Variants in RPS6KC1 observed in about 807,000 individuals in gnomAD.
RPS6KC1 encodes ribosomal protein S6 kinase C1, also known as inactive ribosomal protein S6 kinase delta-1.
Under a neutral mutation model 103.8 loss-of-function variants are expected in RPS6KC1, and 54 were observed. That is an observed-to-expected ratio of 0.52 (90% CI 0.42 to 0.65). RPS6KC1 has a LOEUF of 0.65. Ranked by LOEUF, RPS6KC1 falls within the 30% of genes least tolerant of loss-of-function variation. RPS6KC1 has a pLI of 0.00. For synonymous variants in RPS6KC1, 439 were observed against 438.7 expected (o/e 1.00, Z -0.01); for missense variants, 1,151 against 1,253.8 (o/e 0.92, Z 1.24).
the RPS6KC1 span, among the ~76,000 whole-genome samples, chr1:213,578,456 A>C: frequency 6.6e-6 from 1 of 152,174 alleles, no homozygotes; most frequent in Admixed American, 6.5e-5. Flanking sequence ...TGACAGCTTG[A>C]ACTGTGCACC....
the RPS6KC1 span, among the ~76,000 whole-genome samples, chr1:213,332,186 G>A: frequency 3.9e-5 from 6 of 152,286 alleles, no homozygotes; most frequent in Admixed American, 3.9e-4. Flanking sequence ...GTAAATTTCA[G>A]TTAAAACATT....
At chr1:213,292,807 C>T in the RPS6KC1 span, among the ~76,000 whole-genome samples, 4 of 152,166 alleles carry the variant, frequency 2.6e-5, no homozygotes, top group African/African-American at 4.8e-5. Context: ...GGTAATTGTT[C>T]TGATTTGTTG....
At chr1:213,384,526 A>G in the RPS6KC1 span, among the ~76,000 whole-genome samples, 1 of 151,804 alleles carries the variant, frequency 6.6e-6, no homozygotes, top group Admixed American at 6.6e-5. Context: ...GATGGTTAGG[A>G]GGTCTGTGGA....
the RPS6KC1 span, among the ~76,000 whole-genome samples, chr1:213,770,892 T>C: frequency 1.3e-5 from 2 of 152,220 alleles, no homozygotes; most frequent in African/African-American, 4.8e-5. Flanking sequence ...CTACTTTCAC[T>C]GTGGTAAATT....
chr1:213,363,084 T>C, the RPS6KC1 span, among the ~76,000 whole-genome samples: 2 of 152,312 alleles, frequency 1.3e-5, no homozygotes, highest in Admixed American at 1.3e-4. Context: ...GTCATCAGAG[T>C]GTTGGGCCAC....
At chr1:213,608,632 TAGGAAAAAAAA>T in the RPS6KC1 span, among the ~76,000 whole-genome samples, 4 of 149,996 alleles carry the variant, frequency 2.7e-5, no homozygotes, top group Admixed American at 6.8e-5. Context: ...CTGATCACTG[TAGGAAAAAAAA>T]AGGAAAAAAA....
At chr1:213,530,317 A>C in the RPS6KC1 span, among the ~76,000 whole-genome samples, 1 of 152,062 alleles carries the variant, frequency 6.6e-6, no homozygotes. Context: ...CACCTACGTC[A>C]TCCAGTACTT....
chr1:213,773,287 G>A, the RPS6KC1 span, among the ~76,000 whole-genome samples: 23 of 147,806 alleles, frequency 1.6e-4, no homozygotes, highest in South Asian at 4.3e-4. Context: ...TTTCAGCAAG[G>A]TGACCATGGA....
chr1:213,176,361 C>G (rs747169988), intron 7 of RPS6KC1, 39 bp from the exon 8 acceptor site: 3 of 1,418,526 alleles, frequency 2.1e-6, no homozygotes, highest in Non-Finnish European at 2.9e-6. Context: ...CTTCAAGTAC[C>G]TCCCTGATTG....
intron 3 of RPS6KC1, among the ~76,000 whole-genome samples, chr1:213,090,174 A>G (rs1462570066): frequency 3.3e-5 from 5 of 152,228 alleles, no homozygotes; most frequent in Non-Finnish European, 5.9e-5. Flanking sequence ...CACTCTAAAT[A>G]TGAAGATGAA....
In RPS6KC1 at chr1:213,214,798, G is replaced by A. The variant is rs115927841; in HGVS notation, c.1045-15699G>A. On this transcript the variant is annotated intron_variant, in intron 8 of 14. Transcript: ENST00000366960. ...AGTGGACCTCCGGCAAACTCCAAAC[G>A]GACCTGCAGCTGAGGGTCCTGACTG... Among the ~76,000 whole-genome samples the A allele has an allele frequency of 3.1e-3, 475 of 152,208 alleles. 2 individuals carry two copies. The highest frequency in any genetic ancestry group is 0.01 in the African/African-American group (416 of 41,530).
chr1:213,856,873 T>A, the RPS6KC1 span, among the ~76,000 whole-genome samples: 1 of 152,232 alleles, frequency 6.6e-6, no homozygotes, highest in Non-Finnish European at 1.5e-5. Context: ...CACCAGTCAC[T>A]TAAGTTCTCA....
At chr1:213,741,817 A>G in the RPS6KC1 span, among the ~76,000 whole-genome samples, 2 of 152,134 alleles carry the variant, frequency 1.3e-5, no homozygotes, top group Non-Finnish European at 2.9e-5. Context: ...AGGTTTCTGC[A>G]TGACCCGATG....
the RPS6KC1 span, among the ~76,000 whole-genome samples, chr1:213,539,444 G>A: frequency 0.045 from 6,911 of 152,212 alleles, 512 homozygotes; most frequent in African/African-American, 0.16. Context: ...TTCATGAGCC[G>A]TTCCAGTTGG....
intron 4 of RPS6KC1, among the ~76,000 whole-genome samples, chr1:213,106,504 A>C (rs1448269857): frequency 6.6e-6 from 1 of 152,186 alleles, no homozygotes; most frequent in Non-Finnish European, 1.5e-5. Context: ...TCACATGCCC[A>C]TCCTTAATTT....
intron 6 of RPS6KC1, among the ~76,000 whole-genome samples, chr1:213,142,389 A>G (rs1391644253): frequency 3.3e-5 from 5 of 152,040 alleles, no homozygotes; most frequent in Non-Finnish European, 7.3e-5. Context: ...GTTAAGAACC[A>G]TTACTGGGGA....
At chr1:213,505,416 C>A in the RPS6KC1 span, among the ~76,000 whole-genome samples, 1 of 152,174 alleles carries the variant, frequency 6.6e-6, no homozygotes, top group African/African-American at 2.4e-5. Flanking sequence ...TGTCTGGATT[C>A]GAATCCCAGC....
At chr1:213,583,820 C>CAAA in the RPS6KC1 span, among the ~76,000 whole-genome samples, 7 of 76,350 alleles carry the variant, frequency 9.2e-5, no homozygotes, top group South Asian at 5.3e-4. Context: ...GATTCTGTCT[C>CAAA]AAAAAAAAAA....
chr1:213,637,567 AT>A, the RPS6KC1 span, among the ~76,000 whole-genome samples: 2 of 128,126 alleles, frequency 1.6e-5, no homozygotes, highest in East Asian at 4.3e-4. Context: ...AAGTATAATA[AT>A]TAAAAAAATT....
Sources: gnomAD v4.1 joint callset for allele counts (sites outside exome capture counted in the v4.1 genomes callset) on GRCh38, gnomAD v4.1.1 for gene constraint, MANE v1.5 for transcripts, NCBI Gene and HGNC (gene_info 2026-07-23, HGNC 2026-07-21) for gene names.